The following DARS1 variants were observed in gnomAD, a reference collection of about 807,000 sequenced individuals.
The protein encoded by DARS1 is aspartyl-tRNA synthetase 1, also known as aspartate--tRNA ligase, cytoplasmic.
Under a neutral mutation model 68.8 loss-of-function variants are expected in DARS1, and 51 were observed. The observed-to-expected ratio is 0.74, with a 90% CI of 0.59 to 0.94. The LOEUF is 0.94. DARS1 is among the 40% of genes least tolerant of loss of function. DARS1 has a pLI of 0.00. For missense variants in DARS1, 607 were observed against 597.3 expected (o/e 1.02, Z -0.17); for synonymous variants, 203 against 190.4 (o/e 1.07, Z -0.55).
At position 135,933,972 on chromosome 2, in the gene DARS1, C is replaced by A. The variant is rs1414252250; in HGVS notation, c.442G>T (p.Ala148Ser). ...AGCTGCAGGGGCAGACGGGGTTCAG[C>A]CAAACTGATCACATAAATCTGTAAG... is the stretch of plus-strand genomic sequence containing the variant. Reference protein sequence around the residue: ...HVQKIYVISLAEPRLPLQLDD... With the variant: ...HVQKIYVISLSEPRLPLQLDD... The change falls in exon 6 of 16, where the codon GCT (alanine) becomes TCT (serine). Residue 148 changes from alanine (A) to serine (S), a missense_variant. Coordinates refer to ENST00000264161, the MANE Select transcript of DARS1 (RefSeq NM_001349.4). The A allele has an allele frequency of 1.9e-6, 3 of 1,612,964 alleles. No individual in the cohort carries two copies. The highest frequency in any genetic ancestry group is 1.3e-5 in the African/African-American group (1 of 75,024).
chr2:135,920,368 T>A (rs904138953), intron 10 of DARS1, 85 bp downstream of exon 10: 46 of 1,489,332 alleles, frequency 3.1e-5, no homozygotes, highest in Non-Finnish European at 3.9e-5. Context: ...AACTTAAGTT[T>A]GTATGTTTAA....
At chr2:135,956,303 A>C (rs1681974869) in intron 4 of DARS1, among the ~76,000 whole-genome samples, 1 of 152,224 alleles carries the variant, frequency 6.6e-6, no homozygotes, top group African/African-American at 2.4e-5. Flanking sequence ...ACTTAGACCC[A>C]AAGATGGGAA....
At chr2:135,924,633 G>A (rs1180467217) in intron 7 of DARS1, 135 bp from the exon 8 acceptor site, 26 of 1,302,276 alleles carry the variant, frequency 2.0e-5, no homozygotes, top group Non-Finnish European at 2.6e-5. Flanking sequence ...GAGAGAAGAC[G>A]AAAGGACACG....
chr2:135,909,529 G>C (rs1428613846), intron 15 of DARS1, among the ~76,000 whole-genome samples: 1 of 152,170 alleles, frequency 6.6e-6, no homozygotes, highest in East Asian at 1.9e-4. Flanking sequence ...TTTCAATGTG[G>C]AACAATGGAT....
chr2:135,939,708 T>C (rs1403332749), intron 5 of DARS1, among the ~76,000 whole-genome samples: 1 of 152,004 alleles, frequency 6.6e-6, no homozygotes, highest in Non-Finnish European at 1.5e-5. Context: ...AAAAAATCAA[T>C]GAATCCAGGA....
intron 7 of DARS1, among the ~76,000 whole-genome samples, chr2:135,925,717 A>G (rs1681199120): frequency 6.6e-6 from 1 of 152,208 alleles, no homozygotes; most frequent in African/African-American, 2.4e-5. Context: ...GTCTACATTT[A>G]AACTATAGAA....
intron 4 of DARS1, 57 bp from the exon 5 acceptor site, chr2:135,943,537 TC>T: frequency 1.3e-6 from 2 of 1,582,282 alleles, no homozygotes; most frequent in Non-Finnish European, 1.7e-6. Context: ...TCAGAACTCC[TC>T]TGGTGTTTCA....
At chr2:135,926,000 C>T (rs1272659666) in intron 7 of DARS1, among the ~76,000 whole-genome samples, 1 of 152,210 alleles carries the variant, frequency 6.6e-6, no homozygotes, top group Non-Finnish European at 1.5e-5. Flanking sequence ...AAGTGATTCT[C>T]CTGCCTCAGC....
chr2:135,912,291 T>C (rs1680911206), intron 13 of DARS1, among the ~76,000 whole-genome samples, 195 bp downstream of exon 13: 2 of 152,244 alleles, frequency 1.3e-5, no homozygotes, highest in African/African-American at 4.8e-5. Context: ...CATAGGTTTT[T>C]AAAACTAATT....
intron 4 of DARS1, among the ~76,000 whole-genome samples, chr2:135,952,370 C>T (rs929512313): frequency 1.3e-5 from 2 of 152,106 alleles, no homozygotes; most frequent in African/African-American, 4.8e-5. Context: ...CAAATCAGAG[C>T]ATTTGGCATA....
chr2:135,931,820 T>C (rs1455909735), intron 7 of DARS1, among the ~76,000 whole-genome samples: 6 of 152,176 alleles, frequency 3.9e-5, no homozygotes, highest in Non-Finnish European at 7.3e-5. Flanking sequence ...GAAAACCCAT[T>C]TTTCAATGGT....
At chr2:135,969,200 G>T (rs779252602) in intron 3 of DARS1, among the ~76,000 whole-genome samples, 2 of 90,128 alleles carry the variant, frequency 2.2e-5, no homozygotes, top group Non-Finnish European at 2.6e-5. Context: ...AGTTATCATG[G>T]AAGGGTTTCC....
At chr2:135,968,981 A>G (rs1275759935) in intron 3 of DARS1, among the ~76,000 whole-genome samples, 1 of 152,120 alleles carries the variant, frequency 6.6e-6, no homozygotes, top group African/African-American at 2.4e-5. Flanking sequence ...GTTTCAATAT[A>G]GCATGGGAAA....
chr2:135,931,721 T>A (rs1165942729), intron 7 of DARS1, among the ~76,000 whole-genome samples: 1 of 152,136 alleles, frequency 6.6e-6, no homozygotes, highest in African/African-American at 2.4e-5. Flanking sequence ...CAAAAGACAG[T>A]GTAAGAATCC....
At chr2:135,942,133 A>C (rs1001017555) in intron 5 of DARS1, among the ~76,000 whole-genome samples, 3 of 152,148 alleles carry the variant, frequency 2.0e-5, no homozygotes, top group African/African-American at 7.2e-5. Context: ...ATACCATTTG[A>C]CCCAGCCATC....
rs1682718778 is a variant in DARS1, at chr2:135,984,374, T to C, written c.67-920A>G. 4.6e-5 allele frequency among the ~76,000 whole-genome samples: 7 copies of C among 152,326 alleles called. No individual in the cohort carries two copies. In the South Asian group the frequency reaches 1.4e-3, roughly 32 times the overall value. Reference sequence around the variant, plus strand: ...TTAAGATCTGTATGAAACAATTAAGTTTCTGTCACTTTACAGCTACCTGTT... The same window carrying C: ...TTAAGATCTGTATGAAACAATTAAGCTTCTGTCACTTTACAGCTACCTGTT... On this transcript the variant is annotated intron_variant, in intron 1 of 15. Coordinates refer to ENST00000264161, the MANE Select transcript of DARS1 (RefSeq NM_001349.4).
chr2:135,954,304 A>C (rs1681911976), intron 4 of DARS1, among the ~76,000 whole-genome samples: 1 of 149,296 alleles, frequency 6.7e-6, no homozygotes, highest in Admixed American at 6.8e-5. Flanking sequence ...GAAAACAAAA[A>C]CAAAACCAAA....
chr2:135,920,436 C>A lies in DARS1; in HGVS notation c.959+17G>T. On this transcript the variant is annotated intron_variant, in intron 10 of 15. Coordinates refer to ENST00000264161, the MANE Select transcript of DARS1 (RefSeq NM_001349.4). ...ATTTGAAATTAAGTCCATCTAGGTGCATAAAATACTTTTTACCTTTCTTGA... is the reference window on the plus strand; with the variant it reads ...ATTTGAAATTAAGTCCATCTAGGTGAATAAAATACTTTTTACCTTTCTTGA... 6.2e-7 allele frequency: 1 copy of A among 1,606,266 alleles called. No homozygotes were observed. The highest frequency in any genetic ancestry group is 8.5e-7 in the Non-Finnish European group (1 of 1,176,948).
At chr2:135,917,837 T>C (rs920796391) in intron 10 of DARS1, among the ~76,000 whole-genome samples, 2 of 152,146 alleles carry the variant, frequency 1.3e-5, no homozygotes, top group African/African-American at 4.8e-5. Context: ...CAGGCTTTCG[T>C]GGGAATAATA....
Sources: allele counts gnomAD v4.1 joint callset (sites outside exome capture counted in the v4.1 genomes callset), GRCh38; gene constraint gnomAD v4.1.1; transcripts MANE v1.5; gene names NCBI Gene and HGNC (gene_info 2026-07-23, HGNC 2026-07-21).